The following ISLR2 variants were observed in gnomAD, a reference collection of about 807,000 sequenced individuals.
ISLR2 encodes immunoglobulin superfamily containing leucine rich repeat 2, also known as immunoglobulin superfamily containing leucine-rich repeat protein 2.
In ISLR2, 16 loss-of-function variants were observed where a neutral mutation model predicts 25.5. That is an observed-to-expected ratio of 0.63 (90% confidence interval 0.43 to 0.95). The LOEUF (loss-of-function observed/expected upper bound fraction) is 0.95, where lower values mean the gene tolerates loss of function less well. Among genes scored for constraint, ISLR2 ranks in the 40% least tolerant of loss-of-function variants. The probability of loss-of-function intolerance (pLI) is 0.00; values close to 1 mark genes in which losing one functional copy is unlikely to be tolerated. For synonymous variants in ISLR2, 508 were observed against 486.6 expected, an observed-to-expected ratio of 1.04 and a Z score of -0.58; for missense variants, 883 against 1,030.7, an observed-to-expected ratio of 0.86 and a Z score of 1.96.
chr15:74,130,814 T>G (rs2072395940), intron 1 of ISLR2, among the ~76,000 whole-genome samples, 193 bp downstream of exon 1: 1 of 151,406 alleles, frequency 6.6e-6, no homozygotes, highest in South Asian at 2.1e-4. Context: ...TGTGCGCGAA[T>G]GTGTTTGAAC....
At chr15:74,104,101 A>C (rs1473874321) in intron 2 of ISLR2, among the ~76,000 whole-genome samples, 1 of 152,214 alleles carries the variant, frequency 6.6e-6, no homozygotes, top group Non-Finnish European at 1.5e-5. Flanking sequence ...AGGTATTCCC[A>C]TTAAGGTCAG....
downstream of ISLR2, among the ~76,000 whole-genome samples, chr15:74,137,127 T>C (rs1475877625): frequency 2.6e-5 from 4 of 152,038 alleles, no homozygotes; most frequent in Non-Finnish European, 5.9e-5. Flanking sequence ...CACTCAAGGG[T>C]GTGCGGCACC....
At chr15:74,124,427 AAG>A (rs1315388344), upstream of ISLR2, among the ~76,000 whole-genome samples, 2 of 152,224 alleles carry the variant, frequency 1.3e-5, no homozygotes, top group Non-Finnish European at 2.9e-5. Context: ...GGCTTCGGAA[AAG>A]AGAAGCCTGT....
chr15:74,141,608 C>T (rs1403763355), downstream of ISLR2, among the ~76,000 whole-genome samples: 2 of 152,146 alleles, frequency 1.3e-5, no homozygotes, highest in African/African-American at 2.4e-5. Flanking sequence ...TACTATATTT[C>T]AGGCACATAC....
upstream of ISLR2, chr15:74,127,446 C>T (rs2072313073): frequency 6.6e-6 from 1 of 152,250 alleles, no homozygotes; most frequent in Non-Finnish European, 1.5e-5. Context: ...GCACTGGAAA[C>T]TACGCAGCGC....
chr15:74,104,848 AGCGTTGAGATTACAG>A (rs1160911689), intron 2 of ISLR2, among the ~76,000 whole-genome samples: 1 of 144,286 alleles, frequency 6.9e-6, no homozygotes, highest in Non-Finnish European at 1.5e-5. Flanking sequence ...AGCCTCCGAA[AGCGTTGAGATTACAG>A]GCGTGAGCCA....
chr15:74,100,945 G>A lies in ISLR2; in HGVS notation n.159+476G>A, dbSNP rs1223046569. ...GTAGTCTGATTACTGGTAGCTTTGA[G>A]CTAATGGGTAGTCTAGAACAACTAA... On this transcript the variant is annotated intron_variant and non_coding_transcript_variant, in intron 1 of 3. Coordinates refer to the ISLR2 transcript ENST00000561975. Among the ~76,000 whole-genome samples the A allele has an allele frequency of 5.4e-3, 762 of 140,308 alleles. 5 individuals carry two copies. Among genetic ancestry groups the A allele is most frequent in the African/African-American group, 0.02 (736 of 37,356 alleles). 92.0% of individuals were successfully genotyped at this position (140,308 alleles called of 152,430 possible). A position where few individuals can be genotyped will look rare whatever the true frequency, so the allele number is the denominator to read the frequency against.
At chr15:74,124,993 A>G (rs1361448621), upstream of ISLR2, among the ~76,000 whole-genome samples, 1 of 152,044 alleles carries the variant, frequency 6.6e-6, no homozygotes, top group Admixed American at 6.6e-5. Context: ...AATACTTTCC[A>G]TCCTTGGGGG....
At chr15:74,116,271 C>T (rs61520118) in intron 2 of ISLR2, among the ~76,000 whole-genome samples, 4,124 of 151,426 alleles carry the variant, frequency 0.027, 204 homozygotes, top group African/African-American at 0.096. Flanking sequence ...AGTTAAAATA[C>T]TCCATAAGGA....
At chr15:74,114,512 C>G (rs2072195621) in intron 2 of ISLR2, among the ~76,000 whole-genome samples, 1 of 151,814 alleles carries the variant, frequency 6.6e-6, no homozygotes, top group Non-Finnish European at 1.5e-5. Flanking sequence ...AATCCCAGCA[C>G]TTTGGGAGGC....
At chr15:74,118,638 C>A (rs2072229545) in intron 2 of ISLR2, among the ~76,000 whole-genome samples, 1 of 135,764 alleles carries the variant, frequency 7.4e-6, no homozygotes, top group Admixed American at 7.6e-5. Context: ...GGGGAAAAAT[C>A]TGAAGCTATT....
intron 2 of ISLR2, among the ~76,000 whole-genome samples, chr15:74,111,271 A>T (rs2072165386): frequency 6.6e-6 from 1 of 150,776 alleles, no homozygotes. Context: ...GATTCCATTT[A>T]TATAATGTTC....
chr15:74,110,163 G>A (rs765623444), intron 2 of ISLR2, among the ~76,000 whole-genome samples: 2 of 152,142 alleles, frequency 1.3e-5, no homozygotes, highest in East Asian at 1.9e-4. Context: ...TTAAAACCAC[G>A]TAAGATATCA....
chr15:74,112,424 A>G (rs1389932112), intron 2 of ISLR2, among the ~76,000 whole-genome samples: 5 of 152,190 alleles, frequency 3.3e-5, no homozygotes, highest in Non-Finnish European at 7.3e-5. Context: ...TCTTTTAACC[A>G]TCTTCACCAA....
rs939933996 is a variant in ISLR2 at position 74,132,476 on chromosome 15, C to A, written c.-8-271C>A. On this transcript the variant is annotated intron_variant, in intron 2 of 2. Transcript: ENST00000453268. The surrounding 1 kb of genome is among the most constrained non-coding windows in gnomAD (Gnocchi z 4.3). ...GCGAGCTGCGGAGCCCACGGAGGGG[C>A]CAGCTCCAGCGTGAAGGAAGGAGTA... is the stretch of plus-strand genomic sequence containing the variant. Among the ~76,000 whole-genome samples the A allele has an allele frequency of 1.3e-5, 2 of 152,188 alleles. No individual in the cohort carries two copies. The highest frequency in any genetic ancestry group is 4.8e-5 in the African/African-American group (2 of 41,514).
In ISLR2 at chr15:74,133,129, G is replaced by C. The variant is rs1238630078; in HGVS notation, c.375G>C (p.Leu125=). Residue 125 remains leucine, a synonymous_variant, in exon 3 of 3, where the codon CTG becomes CTC. Transcript: ENST00000453268. The part of the protein sequence containing the change: ...PWSDLRNLSA[L]QLLKMNHNRL... ...GCGACCTGCGCAACCTGAGCGCGCT[G>C]CAGCTGCTCAAAATGAACCACAACC... 3 of 1,612,792 alleles carry C rather than the reference G, an allele frequency of 1.9e-6. No individual in the cohort carries two copies. Among genetic ancestry groups the C allele is most frequent in the Non-Finnish European group, 2.5e-6 (3 of 1,179,964 alleles).
At chr15:74,137,003 G>T (rs1028770106), downstream of ISLR2, among the ~76,000 whole-genome samples, 1 of 152,198 alleles carries the variant, frequency 6.6e-6, no homozygotes, top group East Asian at 1.9e-4. Flanking sequence ...CCAGGGTGGG[G>T]TGACAAAAAA....
intron 2 of ISLR2, among the ~76,000 whole-genome samples, chr15:74,131,557 C>A (rs1231783518): frequency 6.6e-6 from 1 of 152,152 alleles, no homozygotes; most frequent in South Asian, 2.1e-4. Flanking sequence ...TGTGCAAGTT[C>A]GTTTGTGTGA....
intron 2 of ISLR2, among the ~76,000 whole-genome samples, chr15:74,106,566 T>G (rs1159000307): frequency 6.6e-6 from 1 of 152,120 alleles, no homozygotes; most frequent in African/African-American, 2.4e-5. Context: ...GAGTTCAGTC[T>G]TGGGGGTCTC....
Sources: gnomAD v4.1 joint callset for allele counts (sites outside exome capture counted in the v4.1 genomes callset) on GRCh38, gnomAD v4.1.1 for gene constraint, Gnocchi (gnomAD v3.1) non-coding constraint, MANE v1.5 for transcripts, NCBI Gene and HGNC (gene_info 2026-07-23, HGNC 2026-07-21) for gene names.